The following IGF2R variants were observed in gnomAD, a reference collection of about 807,000 sequenced individuals.
IGF2R encodes the protein cation-independent mannose-6-phosphate receptor.
IGF2R carries 91 observed loss-of-function variants against 270.6 expected under a neutral mutation model. The ratio of observed to expected loss-of-function variants is 0.34; its 90% CI spans 0.28 to 0.40. The LOEUF is 0.40. Ranked by LOEUF, IGF2R falls within the 10% of genes least tolerant of loss-of-function variation. The pLI is 1.00. For synonymous variants in IGF2R, 1,316 were observed against 1,258.9 expected, an observed-to-expected ratio of 1.05 and a Z score of -0.96; for missense variants, 2,805 against 3,188.3, an observed-to-expected ratio of 0.88 and a Z score of 2.90.
chr6:160,010,854 AT>A lies in IGF2R; in HGVS notation c.513+71del. On this transcript the variant is annotated intron_variant, in intron 4 of 47. Transcript: ENST00000356956. ...GGGGAACTTTATCTTTCAAATACTGATTCTAACCTTTCCGGGTGAAAATCTT... is the reference window on the plus strand; with the variant it reads ...GGGGAACTTTATCTTTCAAATACTGATCTAACCTTTCCGGGTGAAAATCTT... The A allele has an allele frequency of 3.4e-6, 3 of 888,028 alleles. No individual in the cohort carries two copies. In the South Asian group the frequency reaches 4.3e-5, roughly 13 times the overall value. The allele number at this position is 888,028 out of a possible 1,614,324, so 55.0% of individuals were successfully genotyped here.
At chr6:159,979,401 CCT>C (rs1472161462) in intron 1 of IGF2R, among the ~76,000 whole-genome samples, 1 of 152,150 alleles carries the variant, frequency 6.6e-6, no homozygotes, top group Non-Finnish European at 1.5e-5. Context: ...TCATTGTTCC[CCT>C]GAGGCACCCT....
At position 160,065,234 on chromosome 6, in the gene IGF2R, G is replaced by A. The variant is rs140153472; in HGVS notation, c.4115+333G>A. ...AGGGAGGTCTTCGTTGCATGTGATC[G>A]TCCACAGAGCTGCTCTCAACAGCTT... On this transcript the variant is annotated intron_variant, in intron 29 of 47. Coordinates refer to ENST00000356956, the MANE Select transcript of IGF2R (RefSeq NM_000876.4). Among the ~76,000 whole-genome samples, 216 of 152,300 alleles carry A rather than the reference G, an allele frequency of 1.4e-3. 2 individuals carry two copies. Among genetic ancestry groups the A allele is most frequent in the African/African-American group, 4.9e-3 (202 of 41,556 alleles).
chr6:160,052,851 A>G (rs1446437631), intron 19 of IGF2R, among the ~76,000 whole-genome samples: 1 of 152,244 alleles, frequency 6.6e-6, no homozygotes, highest in Non-Finnish European at 1.5e-5. Context: ...CCTATTTAAT[A>G]AATGGTGCTG....
chr6:160,096,674 T>A, intron 45 of IGF2R, 49 bp downstream of exon 45: 1 of 1,427,734 alleles, frequency 7.0e-7, no homozygotes, highest in Non-Finnish European at 9.7e-7. Flanking sequence ...CATCTTCCCT[T>A]AAGAATAAGT....
In IGF2R at chr6:160,040,570, G is replaced by T; in HGVS notation, c.1326G>T (p.Gly442=). The change falls in exon 11 of 48, where the codon GGG becomes GGT. Residue 442 remains glycine (G), a synonymous_variant. Transcript: ENST00000356956. ...TCTTGAATTGTGCAGGTAACGATGG[G>T]AAAGGAACTCCTGTATTCACAGGGG... The part of the protein sequence containing the change: ...FECNKTAGND[G]KGTPVFTGEV... 6.2e-7 allele frequency: 1 copy of T among 1,614,078 alleles called. No homozygotes were observed. Among genetic ancestry groups the T allele is most frequent in the Non-Finnish European group, 8.5e-7 (1 of 1,179,934 alleles).
At chr6:160,096,761 G>T in intron 45 of IGF2R, 136 bp downstream of exon 45, 1 of 738,190 alleles carries the variant, frequency 1.4e-6, no homozygotes. Context: ...AATGATAGAA[G>T]CGGACCCCAC....
intron 10 of IGF2R, among the ~76,000 whole-genome samples, chr6:160,036,704 C>T (rs921900373): frequency 6.6e-5 from 10 of 151,664 alleles, no homozygotes; most frequent in African/African-American, 2.4e-4. Context: ...GTGTGGACAT[C>T]GATGAGCTGC....
intron 29 of IGF2R, among the ~76,000 whole-genome samples, chr6:160,065,804 G>GTATATATATATATA (rs1562364384): frequency 6.5e-5 from 4 of 61,536 alleles, no homozygotes; most frequent in Non-Finnish European, 9.2e-5. Context: ...GTGTGTGTGT[G>GTATATATATATATA]TGTGTGTGTG....
chr6:160,073,516 C>G (rs1216023212), intron 34 of IGF2R, 47 bp downstream of exon 34: 2 of 1,600,494 alleles, frequency 1.2e-6, no homozygotes, highest in Non-Finnish European at 1.7e-6. Context: ...CAGTGCCTGG[C>G]TGCACCCGGG....
intron 45 of IGF2R, among the ~76,000 whole-genome samples, chr6:160,101,729 T>C (rs775604911): frequency 2.6e-5 from 4 of 152,256 alleles, no homozygotes; most frequent in Non-Finnish European, 5.9e-5. Flanking sequence ...GTCAAGTCGT[T>C]ACACTCTTGA....
At chr6:159,985,134 A>G (rs1312478329) in intron 1 of IGF2R, among the ~76,000 whole-genome samples, 1 of 152,156 alleles carries the variant, frequency 6.6e-6, no homozygotes, top group East Asian at 1.9e-4. Flanking sequence ...AGGAACTCAG[A>G]GATCTTTATG....
rs148344348 is a variant in IGF2R, at chr6:159,991,236, A to G, written c.202A>G (p.Ile68Val). 6 of 1,613,630 alleles carry G rather than the reference A, an allele frequency of 3.7e-6. No homozygotes were observed. Among genetic ancestry groups the G allele is most frequent in the Non-Finnish European group, 5.1e-6 (6 of 1,179,778 alleles). Residue 68 changes from isoleucine (I) to valine (V), a missense_variant, in exon 2 of 48, where the codon ATC becomes GTC. Physicochemically the swap from Ile to Val is conservative, Grantham distance 29. Around this residue, in one of 2 missense-constraint regions of IGF2R, gnomAD observed 954 missense variants for 981.1 expected, o/e 0.97. Coordinates refer to ENST00000356956, the MANE Select transcript of IGF2R (RefSeq NM_000876.4). Reference sequence around the variant, plus strand: ...AAATAATGTACTTTATAAAATCAACATCTGTGGAAGTGTGGATATTGTCCA... The same window carrying G: ...AAATAATGTACTTTATAAAATCAACGTCTGTGGAAGTGTGGATATTGTCCA... The part of the protein sequence containing the change: ...TKNNVLYKIN[I>V]CGSVDIVQCG...
In IGF2R at chr6:159,997,346, T is replaced by C. The variant is rs144035208; in HGVS notation, c.289+6023T>C. 4.7e-3 allele frequency among the ~76,000 whole-genome samples: 712 copies of C among 152,312 alleles called. 5 individuals are homozygous for C. Among genetic ancestry groups the C allele is most frequent in the African/African-American group, 0.015 (619 of 41,572 alleles). ...TGCCAAGAAAGGTCTGCAGGGCCTC[T>C]GGTGATACGGAGACATCAGTGCTGA... On this transcript the variant is annotated intron_variant, in intron 2 of 47. Transcript: ENST00000356956.
At chr6:159,993,454 AG>A (rs950751614) in intron 2 of IGF2R, among the ~76,000 whole-genome samples, 1 of 152,124 alleles carries the variant, frequency 6.6e-6, no homozygotes, top group African/African-American at 2.4e-5. Flanking sequence ...CAGTTTTCCC[AG>A]CACCGTTTAT....
chr6:160,024,801 C>T, intron 5 of IGF2R, 97 bp downstream of exon 5: 2 of 1,376,126 alleles, frequency 1.5e-6, no homozygotes, highest in Non-Finnish European at 2.0e-6. Context: ...TTTTCACATC[C>T]ATGTTTCTGA....
At chr6:159,996,326 A>G (rs1192302423) in intron 2 of IGF2R, among the ~76,000 whole-genome samples, 3 of 152,088 alleles carry the variant, frequency 2.0e-5, no homozygotes, top group Non-Finnish European at 4.4e-5. Context: ...GTGGAATCCG[A>G]TGGGTGGGTC....
chr6:159,983,673 C>T (rs1455969541), intron 1 of IGF2R, among the ~76,000 whole-genome samples: 2 of 152,148 alleles, frequency 1.3e-5, no homozygotes, highest in East Asian at 3.8e-4. Flanking sequence ...TCCTGCTGGG[C>T]CTGATGGTTT....
intron 19 of IGF2R, among the ~76,000 whole-genome samples, chr6:160,051,722 A>G (rs138473242): frequency 6.6e-6 from 1 of 152,308 alleles, no homozygotes; most frequent in African/African-American, 2.4e-5. Flanking sequence ...TGGAAGGCCA[A>G]CATGGGAAGA....
chr6:160,101,041 C>T (rs1032059310), intron 45 of IGF2R, among the ~76,000 whole-genome samples: 2 of 150,826 alleles, frequency 1.3e-5, no homozygotes, highest in African/African-American at 4.9e-5. Context: ...ATCCACCTGC[C>T]TCAGCCTCCT....
Sources: allele counts gnomAD v4.1 joint callset (sites outside exome capture counted in the v4.1 genomes callset), GRCh38; gene constraint gnomAD v4.1.1; regional missense constraint gnomAD v4.1.1; transcripts MANE v1.5; gene names NCBI Gene and HGNC (gene_info 2026-07-23, HGNC 2026-07-21).